The following AUTS2 variants were observed in gnomAD, a reference collection of about 807,000 sequenced individuals.
AUTS2 encodes the protein activator of transcription and developmental regulator AUTS2.
A neutral mutation model predicts 112.4 loss-of-function variants in AUTS2; 17 were observed. The ratio of observed to expected loss-of-function variants is 0.15; its 90% CI spans 0.10 to 0.23. The LOEUF (loss-of-function observed/expected upper bound fraction) is 0.23, where lower values mean the gene tolerates loss of function less well. AUTS2 is among the 10% of genes least tolerant of loss of function. The pLI is 1.00. For synonymous variants in AUTS2, 751 were observed against 702.7 expected (o/e 1.07, Z -1.09); for missense variants, 1,510 against 1,701.6 (o/e 0.89, Z 1.98).
At chr7:70,304,998 T>A (rs1362588656) in intron 4 of AUTS2, among the ~76,000 whole-genome samples, 1 of 152,198 alleles carries the variant, frequency 6.6e-6, no homozygotes, top group African/African-American at 2.4e-5. Flanking sequence ...TTTTGTGGCA[T>A]AAGCATTCCA....
At chr7:70,183,833 C>CT (rs60689973) in intron 4 of AUTS2, among the ~76,000 whole-genome samples, 12,981 of 137,894 alleles carry the variant, frequency 0.094, 877 homozygotes, top group East Asian at 0.21. Context: ...CTGTCTTTTT[C>CT]TTTTTTTTTT....
At chr7:70,060,695 G>C (rs1227808696) in intron 2 of AUTS2, among the ~76,000 whole-genome samples, 1 of 152,196 alleles carries the variant, frequency 6.6e-6, no homozygotes, top group Non-Finnish European at 1.5e-5. Context: ...TTAAGAAGTA[G>C]CATTGCAAAA....
At chr7:70,089,557 G>T (rs1226071126) in intron 2 of AUTS2, among the ~76,000 whole-genome samples, 3 of 151,064 alleles carry the variant, frequency 2.0e-5, no homozygotes, top group Non-Finnish European at 4.4e-5. Flanking sequence ...TCTTTTTATT[G>T]TGTCTGACAA....
chr7:70,691,896 G>T (rs1178928632), intron 5 of AUTS2, among the ~76,000 whole-genome samples: 9 of 95,894 alleles, frequency 9.4e-5, no homozygotes, highest in Non-Finnish European at 1.9e-4. Flanking sequence ...TTTTTTTTGA[G>T]ATAAAGTCTT....
At position 69,639,852 on chromosome 7, in the gene AUTS2, C is replaced by G. The variant is rs1440465918; in HGVS notation, c.309+39890C>G. Among the ~76,000 whole-genome samples the G allele has an allele frequency of 2.6e-5, 4 of 152,304 alleles. No homozygotes were observed. In the East Asian group the frequency reaches 7.7e-4, roughly 29 times the overall value. On this transcript the variant is annotated intron_variant, in intron 1 of 18. Transcript: ENST00000342771. The stretch of plus-strand genomic sequence containing the variant: ...CTGTTACTTCATAAAACAATTGGCT[C>G]TGGACTTGGAGAAGACCCAGGTGGC...
At position 69,782,621 on chromosome 7, in the gene AUTS2, T is replaced by C. The variant is rs568244744; in HGVS notation, c.310-116665T>C. Among the ~76,000 whole-genome samples, 5 of 152,122 alleles carry C rather than the reference T, an allele frequency of 3.3e-5. No homozygotes were observed. In the East Asian group the frequency reaches 9.7e-4, roughly 29 times the overall value. ...CCCTGGTTGGTATGCACTCGAGAAC[T>C]GAAAGATAATTTTCTTCTTGATTTT... On this transcript the variant is annotated intron_variant, in intron 1 of 18. Transcript: ENST00000342771.
At chr7:69,952,051 C>G (rs1392565942) in intron 2 of AUTS2, among the ~76,000 whole-genome samples, 2 of 152,044 alleles carry the variant, frequency 1.3e-5, no homozygotes, top group Non-Finnish European at 2.9e-5. Flanking sequence ...ACCTTCGTTG[C>G]TAATTATTTT....
chr7:70,065,529 A>G (rs1802448697), intron 2 of AUTS2, among the ~76,000 whole-genome samples: 2 of 151,922 alleles, frequency 1.3e-5, no homozygotes, highest in Non-Finnish European at 2.9e-5. Context: ...CCCCATCCCT[A>G]CTGAAAATAC....
At chr7:70,425,612 A>T (rs1240611494) in intron 4 of AUTS2, among the ~76,000 whole-genome samples, 1 of 152,234 alleles carries the variant, frequency 6.6e-6, no homozygotes, top group African/African-American at 2.4e-5. Flanking sequence ...GGTCCTCAAG[A>T]ATACACTAGA....
intron 5 of AUTS2, among the ~76,000 whole-genome samples, chr7:70,664,941 T>C (rs1449132503): frequency 2.0e-5 from 3 of 152,116 alleles, no homozygotes; most frequent in Admixed American, 2.0e-4. Flanking sequence ...GGCGTAGTGA[T>C]GCACACCTGT....
intron 4 of AUTS2, among the ~76,000 whole-genome samples, chr7:70,308,859 G>A (rs1789608064): frequency 6.6e-6 from 1 of 152,194 alleles, no homozygotes; most frequent in African/African-American, 2.4e-5. Flanking sequence ...AAAATAAGAG[G>A]TGAGAGACAC....
chr7:70,537,549 A>G (rs1800372109), intron 5 of AUTS2, among the ~76,000 whole-genome samples: 1 of 152,162 alleles, frequency 6.6e-6, no homozygotes, highest in South Asian at 2.1e-4. Context: ...AGCTCTCTCC[A>G]TTTTATTTAA....
At chr7:70,149,441 T>C (rs1807307636) in intron 4 of AUTS2, among the ~76,000 whole-genome samples, 1 of 152,072 alleles carries the variant, frequency 6.6e-6, no homozygotes, top group Non-Finnish European at 1.5e-5. Flanking sequence ...TTGCATTAGT[T>C]TTAATTTTTA....
chr7:70,196,842 T>C (rs1317913858), intron 4 of AUTS2, among the ~76,000 whole-genome samples: 2 of 152,166 alleles, frequency 1.3e-5, no homozygotes, highest in Non-Finnish European at 2.9e-5. Context: ...CTGTAGAACT[T>C]GTGAAGTAAG....
chr7:69,752,077 C>T (rs547205298), intron 1 of AUTS2, among the ~76,000 whole-genome samples: 10 of 152,328 alleles, frequency 6.6e-5, no homozygotes, highest in East Asian at 5.8e-4. Flanking sequence ...GCCCCACACC[C>T]GGCCTTAATG....
At chr7:70,496,173 A>G (rs1798486402) in intron 5 of AUTS2, among the ~76,000 whole-genome samples, 2 of 120,678 alleles carry the variant, frequency 1.7e-5, no homozygotes, top group African/African-American at 6.4e-5. Context: ...ACACAGTCAC[A>G]CACACACACA....
At chr7:69,636,333 C>A (rs183331757) in intron 1 of AUTS2, among the ~76,000 whole-genome samples, 1,610 of 152,212 alleles carry the variant, frequency 0.011, 9 homozygotes, top group Non-Finnish European at 0.016. Flanking sequence ...TGGATTCAAG[C>A]GATTCTCCTG....
At chr7:70,196,642 G>A (rs1810189445) in intron 4 of AUTS2, among the ~76,000 whole-genome samples, 1 of 152,218 alleles carries the variant, frequency 6.6e-6, no homozygotes, top group Non-Finnish European at 1.5e-5. Flanking sequence ...TGATGTGTAT[G>A]AAATTAGGTT....
At chr7:69,699,054 G>A (rs1197958667) in intron 1 of AUTS2, among the ~76,000 whole-genome samples, 1 of 152,122 alleles carries the variant, frequency 6.6e-6, no homozygotes, top group Admixed American at 6.5e-5. Context: ...ATATGGCGAG[G>A]TGTGTCATAG....
Sources: allele counts gnomAD v4.1 joint callset (sites outside exome capture counted in the v4.1 genomes callset), GRCh38; gene constraint gnomAD v4.1.1; transcripts MANE v1.5; gene names NCBI Gene and HGNC (gene_info 2026-07-23, HGNC 2026-07-21).